The following SIRPG variants were observed in gnomAD, a reference collection of about 807,000 sequenced individuals.
SIRPG encodes the protein signal regulatory protein gamma.
In SIRPG, 38 loss-of-function variants were observed where a neutral mutation model predicts 35.7. That is an observed-to-expected ratio of 1.06 (90% CI 0.82 to 1.40). The LOEUF (loss-of-function observed/expected upper bound fraction) is 1.40, where lower values mean the gene tolerates loss of function less well. SIRPG is among the 40% of genes most tolerant of loss of function. The pLI is 0.00. For missense variants in SIRPG, 519 were observed against 483.0 expected (o/e 1.07, Z -0.70); for synonymous variants, 215 against 190.4 (o/e 1.13, Z -1.06).
rs1226424852 is a variant in SIRPG, at chr20:1,649,048, T to C, written c.430+4A>G. 4 of 1,612,190 alleles carry C rather than the reference T, an allele frequency of 2.5e-6. No individual in the cohort carries two copies. Among genetic ancestry groups the C allele is most frequent in the Non-Finnish European group, 3.4e-6 (4 of 1,178,614 alleles). The stretch of plus-strand genomic sequence containing the variant: ...GGGATGAGGGAGGTCCATGTTGTAC[T>C]CACCACCCAAAGCCATCTCAGTGCC... On this transcript the variant is annotated splice_donor_region_variant and intron_variant, in intron 2 of 5. Transcript: ENST00000303415.
chr20:1,665,801 G>A, the SIRPG span, among the ~76,000 whole-genome samples: 5 of 152,092 alleles, frequency 3.3e-5, no homozygotes, highest in Non-Finnish European at 7.4e-5. Flanking sequence ...TTCTTTTTAT[G>A]TGTACTATTT....
At chr20:1,644,535 G>T (rs1233371120) in intron 2 of SIRPG, among the ~76,000 whole-genome samples, 2 of 152,072 alleles carry the variant, frequency 1.3e-5, no homozygotes, top group African/African-American at 4.8e-5. Context: ...ATCTCCCAAG[G>T]AGCTCAGATG....
Position 1,635,360 on chromosome 20 carries a change from G to A in SIRPG, c.988C>T (p.Gln330Ter). 1 of 1,614,178 alleles carries A rather than the reference G, an allele frequency of 6.2e-7. No individual in the cohort carries two copies. The highest frequency in any genetic ancestry group is 1.1e-5 in the South Asian group (1 of 91,082). The part of the protein sequence containing the change: ...DQRDDVVLTC[Q>*]VKHDGQLAVS... ...GCCAGCTGCCCATCATGCTTCACCT[G>A]GCAGGTGAGGACCACATCATCCCTT... is the stretch of plus-strand genomic sequence containing the variant. Residue 330 changes from glutamine to a stop codon, truncating the protein, a stop_gained, in exon 4 of 6, where the codon CAG becomes TAG. Transcript: ENST00000303415. LOFTEE classifies it high-confidence loss of function.
chr20:1,685,844 G>C, the SIRPG span, among the ~76,000 whole-genome samples: 1 of 152,068 alleles, frequency 6.6e-6, no homozygotes, highest in African/African-American at 2.4e-5. Context: ...ACATCCTCAG[G>C]GTGCTGAACA....
At chr20:1,677,314 T>C in the SIRPG span, among the ~76,000 whole-genome samples, 1 of 152,346 alleles carries the variant, frequency 6.6e-6, no homozygotes, top group Non-Finnish European at 1.5e-5. Flanking sequence ...TTGCAATTTC[T>C]GGACCATTTC....
chr20:1,644,058 G>A (rs1600213001), intron 2 of SIRPG, among the ~76,000 whole-genome samples: 1 of 152,198 alleles, frequency 6.6e-6, no homozygotes, highest in Non-Finnish European at 1.5e-5. Context: ...GTGGCACGGG[G>A]AGCAGGACCC....
At chr20:1,670,765 G>A in the SIRPG span, 146 of 191,216 alleles carry the variant, frequency 7.6e-4, 2 homozygotes, top group Admixed American at 8.6e-3. Flanking sequence ...TGGAAGGTGG[G>A]CAGCACAGTT....
intron 4 of SIRPG, among the ~76,000 whole-genome samples, chr20:1,635,023 A>C (rs1270425892): frequency 6.7e-6 from 1 of 149,486 alleles, no homozygotes; most frequent in Non-Finnish European, 1.5e-5. Context: ...AGTCTGGGCG[A>C]CAGAGCCAGA....
chr20:1,676,071 A>C, the SIRPG span, among the ~76,000 whole-genome samples: 1 of 152,168 alleles, frequency 6.6e-6, no homozygotes, highest in African/African-American at 2.4e-5. Flanking sequence ...GATTGGGGTC[A>C]CACCTGAGCC....
upstream of SIRPG, among the ~76,000 whole-genome samples, chr20:1,660,073 T>C (rs1205294581): frequency 6.6e-6 from 1 of 152,154 alleles, no homozygotes; most frequent in African/African-American, 2.4e-5. Context: ...AATGATCTTA[T>C]AAGGAAAACA....
Position 1,657,631 on chromosome 20 carries a change from G to C in SIRPG, c.73+11C>G. 1.2e-6 allele frequency: 2 copies of C among 1,613,886 alleles called. No homozygotes were observed. The highest frequency in any genetic ancestry group is 1.7e-6 in the Non-Finnish European group (2 of 1,179,766). ...CAGGGAGAAAGGGTTCTAGCCCAATGCAATGCTCACCTGTAAGTCCCAGCA... is the reference window on the plus strand; with the variant it reads ...CAGGGAGAAAGGGTTCTAGCCCAATCCAATGCTCACCTGTAAGTCCCAGCA... On this transcript the variant is annotated intron_variant, in intron 1 of 5. Transcript: ENST00000303415.
At chr20:1,638,852 T>C (rs1443884627) in intron 2 of SIRPG, among the ~76,000 whole-genome samples, 1 of 145,612 alleles carries the variant, frequency 6.9e-6, no homozygotes, top group Non-Finnish European at 1.5e-5. Flanking sequence ...CTCCCACTTA[T>C]GAGTGAGAAC....
chr20:1,680,235 T>C, the SIRPG span, among the ~76,000 whole-genome samples: 4 of 152,180 alleles, frequency 2.6e-5, no homozygotes, highest in African/African-American at 7.2e-5. Flanking sequence ...TCACCACTCA[T>C]GTTGGCCATG....
At chr20:1,653,162 T>A (rs1185949665) in intron 1 of SIRPG, among the ~76,000 whole-genome samples, 1 of 152,206 alleles carries the variant, frequency 6.6e-6, no homozygotes, top group African/African-American at 2.4e-5. Flanking sequence ...AGAAATCTCA[T>A]GGAATAGAAT....
At chr20:1,663,562 A>C in the SIRPG span, among the ~76,000 whole-genome samples, 1 of 152,244 alleles carries the variant, frequency 6.6e-6, no homozygotes, top group Non-Finnish European at 1.5e-5. Context: ...GAAACTGGCT[A>C]CATTGGGAGT....
chr20:1,677,778 G>T, the SIRPG span, among the ~76,000 whole-genome samples: 1 of 152,166 alleles, frequency 6.6e-6, no homozygotes, highest in African/African-American at 2.4e-5. Context: ...GTGCAGGGAG[G>T]TAATGGTGAG....
At chr20:1,638,199 C>T (rs1437959655) in intron 2 of SIRPG, among the ~76,000 whole-genome samples, 1 of 152,148 alleles carries the variant, frequency 6.6e-6, no homozygotes, top group East Asian at 1.9e-4. Flanking sequence ...TTGAGGGGGT[C>T]CTCGTGTGAG....
chr20:1,635,738 G>A (rs185953667), intron 3 of SIRPG, 139 bp from the exon 4 acceptor site: 1 of 902,128 alleles, frequency 1.1e-6, no homozygotes, highest in Non-Finnish European at 1.7e-6. Context: ...AAGACATTGA[G>A]GGCGCTCTTT....
chr20:1,678,593 T>A, the SIRPG span, among the ~76,000 whole-genome samples: 2 of 151,792 alleles, frequency 1.3e-5, no homozygotes, highest in Admixed American at 1.3e-4. Context: ...CATTATCAAA[T>A]CGATAAAAAT....
Sources: allele counts gnomAD v4.1 joint callset (sites outside exome capture counted in the v4.1 genomes callset), GRCh38; gene constraint gnomAD v4.1.1; transcripts MANE v1.5; gene names NCBI Gene and HGNC (gene_info 2026-07-23, HGNC 2026-07-21).